Variants in MINK1 observed in about 807,000 individuals in gnomAD.
MINK1 encodes the protein misshapen-like kinase 1.
In MINK1, 46 loss-of-function variants were observed where a neutral mutation model predicts 178.4. The ratio of observed to expected loss-of-function variants is 0.26; its 90% CI spans 0.20 to 0.33. The LOEUF is 0.33. Ranked by LOEUF, MINK1 falls within the 10% of genes least tolerant of loss-of-function variation. The pLI, the probability that MINK1 is intolerant of heterozygous loss-of-function variation, is 1.00. For missense variants in MINK1, 1,366 were observed against 1,814.9 expected, an observed-to-expected ratio of 0.75 and a Z score of 4.49; for synonymous variants, 797 against 709.7, an observed-to-expected ratio of 1.12 and a Z score of -1.96.
intron 2 of MINK1, 30 bp downstream of exon 2, chr17:4,878,412 C>A (rs1297923862): frequency 6.5e-7 from 1 of 1,528,934 alleles, no homozygotes. Context: ...AGTATGACCT[C>A]CACATCTGCA....
At chr17:4,864,994 C>A (rs1171017170) in intron 1 of MINK1, among the ~76,000 whole-genome samples, 3 of 152,222 alleles carry the variant, frequency 2.0e-5, no homozygotes, top group Non-Finnish European at 4.4e-5. Context: ...GACCAGAGCT[C>A]TTTCCACGAC....
At chr17:4,863,630 T>G (rs1436013854) in intron 1 of MINK1, among the ~76,000 whole-genome samples, 6 of 152,286 alleles carry the variant, frequency 3.9e-5, no homozygotes, top group Non-Finnish European at 7.3e-5. Flanking sequence ...CTTCCTAGCC[T>G]GGGCAAGTGT....
chr17:4,884,574 C>T, intron 5 of MINK1, 101 bp downstream of exon 5: 1 of 872,432 alleles, frequency 1.1e-6, no homozygotes, highest in Non-Finnish European at 1.9e-6. Context: ...ACATCACTGC[C>T]CTCTTTAGGG....
chr17:4,869,712 TAA>T (rs1442213138), intron 1 of MINK1, among the ~76,000 whole-genome samples: 1 of 151,840 alleles, frequency 6.6e-6, no homozygotes, highest in East Asian at 1.9e-4. Context: ...CAAAAGTGTA[TAA>T]GAGTTCCCCT....
intron 1 of MINK1, among the ~76,000 whole-genome samples, chr17:4,850,197 C>T (rs999917390): frequency 2.0e-5 from 3 of 152,094 alleles, no homozygotes; most frequent in African/African-American, 7.3e-5. Context: ...TCTAGCAATG[C>T]CTCTACATAG....
At chr17:4,847,355 C>T (rs1911209592) in intron 1 of MINK1, 1 of 412,174 alleles carries the variant, frequency 2.4e-6, no homozygotes, top group South Asian at 1.8e-5. Flanking sequence ...TCTCCTGCCT[C>T]AGCCTCTAGC....
At chr17:4,860,061 A>T (rs1913913842) in intron 1 of MINK1, among the ~76,000 whole-genome samples, 1 of 152,066 alleles carries the variant, frequency 6.6e-6, no homozygotes, top group African/African-American at 2.4e-5. Context: ...TACAGGGGGA[A>T]GGGTCGCGTC....
In MINK1 at chr17:4,897,435, C is replaced by A; in HGVS notation, c.*148C>A. 1.5e-6 allele frequency: 1 copy of A among 661,138 alleles called. No individual in the cohort carries two copies. The highest frequency in any genetic ancestry group is 1.9e-5 in the South Asian group (1 of 51,284). 41.0% of individuals were successfully genotyped at this position (661,138 alleles called of 1,614,324 possible). A position where few individuals can be genotyped will look rare whatever the true frequency, so the allele number is the denominator to read the frequency against. On this transcript the variant is annotated 3_prime_UTR_variant, in exon 32 of 32. Transcript: ENST00000355280. ...CCTGCTGGGAACGTGACCTCTGACCCCTGATGCTTTCGTGATCACGTGACC... is the reference window on the plus strand; with the variant it reads ...CCTGCTGGGAACGTGACCTCTGACCACTGATGCTTTCGTGATCACGTGACC...
At chr17:4,838,846 T>C (rs565280915) in intron 1 of MINK1, among the ~76,000 whole-genome samples, 10 of 152,208 alleles carry the variant, frequency 6.6e-5, no homozygotes, top group Non-Finnish European at 1.3e-4. Flanking sequence ...CCAGATTCTA[T>C]GGAAAGGATG....
Position 4,893,997 on chromosome 17 carries a change from G to A in MINK1, c.2574G>A (p.Gly858=), listed in dbSNP as rs947391907. 4 of 1,582,550 alleles carry A rather than the reference G, an allele frequency of 2.5e-6. No homozygotes were observed. Among genetic ancestry groups the A allele is most frequent in the African/African-American group, 2.7e-5 (2 of 73,894 alleles). The change falls in exon 22 of 32, where the codon GGG becomes GGA. Residue 858 remains glycine, a synonymous_variant. Coordinates refer to ENST00000355280, the MANE Select transcript of MINK1 (RefSeq NM_153827.5). ...SRDTPGGRSD[G]DTDSVSTMVV... ...CCTTCCTCTCTCACAGCAGCGATGGGGATACAGACAGCGTCAGCACCATGG... is the reference window on the plus strand; with the variant it reads ...CCTTCCTCTCTCACAGCAGCGATGGAGATACAGACAGCGTCAGCACCATGG...
rs533529253 is a variant in MINK1 at position 4,844,148 on chromosome 17, G to A, written c.57+10508G>A. On this transcript the variant is annotated intron_variant, in intron 1 of 31. Transcript: ENST00000355280. ...CCCGAGTAGCTGGGATTACAGGTGCGCACCACCACACCTGGCTAATTTTTG... is the reference window on the plus strand; with the variant it reads ...CCCGAGTAGCTGGGATTACAGGTGCACACCACCACACCTGGCTAATTTTTG... Among the ~76,000 whole-genome samples, 8 of 151,826 alleles carry A rather than the reference G, an allele frequency of 5.3e-5. No homozygotes were observed. In the South Asian group the frequency reaches 1.0e-3, roughly 20 times the overall value.
chr17:4,892,823 G>A, intron 19 of MINK1, 55 bp downstream of exon 19: 2 of 1,511,974 alleles, frequency 1.3e-6, no homozygotes, highest in Non-Finnish European at 1.8e-6. Context: ...TATCACCATG[G>A]ACCCTGCCTT....
chr17:4,847,843 GC>G (rs1250265418), intron 1 of MINK1, among the ~76,000 whole-genome samples: 1 of 152,020 alleles, frequency 6.6e-6, no homozygotes, highest in East Asian at 1.9e-4. Flanking sequence ...TGGGTATGGA[GC>G]CCAGCATCCA....
Position 4,896,357 on chromosome 17 carries a change from G to A in MINK1, c.3615+15G>A. The A allele has an allele frequency of 6.2e-7, 1 of 1,601,294 alleles. No individual in the cohort carries two copies. The highest frequency in any genetic ancestry group is 1.3e-5 in the African/African-American group (1 of 74,876). On this transcript the variant is annotated intron_variant, in intron 29 of 31. Transcript: ENST00000355280. The surrounding 1 kb of genome is among the most constrained non-coding windows in gnomAD (Gnocchi z 4.6). ...TCCCTGTGCACGTGAGCTTGGCGGGGCTGCTGGGGGAGTGGGATGGCCCAG... is the reference window on the plus strand; with the variant it reads ...TCCCTGTGCACGTGAGCTTGGCGGGACTGCTGGGGGAGTGGGATGGCCCAG...
chr17:4,880,964 C>T lies in MINK1; in HGVS notation c.124-20C>T, dbSNP rs1206527691. On this transcript the variant is annotated intron_variant, in intron 2 of 31. Coordinates refer to ENST00000355280, the MANE Select transcript of MINK1 (RefSeq NM_153827.5). ...ACGCTCCACCCTCTGAGCATAGACT[C>T]AGATCCCTCTGTCCCGCAGGGTCGG... 3 of 1,479,384 alleles carry T rather than the reference C, an allele frequency of 2.0e-6. No homozygotes were observed. The highest frequency in any genetic ancestry group is 2.7e-6 in the Non-Finnish European group (3 of 1,118,908). The allele number at this position is 1,479,384 out of a possible 1,614,324, so 91.6% of individuals were successfully genotyped here.
chr17:4,859,788 CAAAAAAAAAA>C (rs397857604), intron 1 of MINK1, among the ~76,000 whole-genome samples: 12 of 51,886 alleles, frequency 2.3e-4, no homozygotes, highest in South Asian at 1.1e-3. Flanking sequence ...AACTCCATCT[CAAAAAAAAAA>C]AAAAAAAAAA....
rs748575687 is a variant in MINK1 at position 4,895,755 on chromosome 17, A to G, written c.3287A>G (p.His1096Arg). ...YLSWLRNKILHNDPEVEKKQG... is the reference protein window; with the variant it reads ...YLSWLRNKILRNDPEVEKKQG... ...TCCTGGCTCCGGAACAAGATTCTGC[A>G]CAATGACCCAGAAGTGGAGAAGAAG... Residue 1096 changes from histidine to arginine, a missense_variant, in exon 27 of 32, where the codon CAC (histidine) becomes CGC (arginine). By Grantham distance (29) the His-to-Arg change is conservative. Around this residue, in one of 14 missense-constraint regions of MINK1, gnomAD observed 77 missense variants for 119.5 expected, o/e 0.64. Coordinates refer to ENST00000355280, the MANE Select transcript of MINK1 (RefSeq NM_153827.5). The surrounding 1 kb of genome is among the most constrained non-coding windows in gnomAD (Gnocchi z 4.3). 1 of 1,613,882 alleles carries G rather than the reference A, an allele frequency of 6.2e-7. No individual in the cohort carries two copies. Among genetic ancestry groups the G allele is most frequent in the Non-Finnish European group, 8.5e-7 (1 of 1,179,822 alleles).
intron 15 of MINK1, 101 bp downstream of exon 15, chr17:4,891,225 C>CA: frequency 3.5e-6 from 4 of 1,154,178 alleles, no homozygotes; most frequent in South Asian, 1.6e-5. Flanking sequence ...CACACACACA[C>CA]CTGCTCAGCC....
intron 1 of MINK1, among the ~76,000 whole-genome samples, chr17:4,845,375 T>C (rs1452701786): frequency 6.6e-6 from 1 of 152,192 alleles, no homozygotes; most frequent in African/African-American, 2.4e-5. Flanking sequence ...GTCATCTTGC[T>C]TGTTTTCAGC....
Sources: allele counts gnomAD v4.1 joint callset (sites outside exome capture counted in the v4.1 genomes callset), GRCh38; gene constraint gnomAD v4.1.1; regional missense constraint gnomAD v4.1.1; non-coding constraint Gnocchi (gnomAD v3.1); transcripts MANE v1.5; gene names NCBI Gene and HGNC (gene_info 2026-07-23, HGNC 2026-07-21).